The following CCDC3 variants were observed in gnomAD, a reference collection of about 807,000 sequenced individuals.
The protein encoded by CCDC3 is coiled-coil domain-containing protein 3.
In CCDC3, 24 loss-of-function variants were observed where a neutral mutation model predicts 21.4. The observed-to-expected ratio is 1.12, with a 90% confidence interval of 0.81 to 1.58. CCDC3 has a LOEUF of 1.58. Among genes scored for constraint, CCDC3 ranks in the 40% most tolerant of loss-of-function variants. The probability of loss-of-function intolerance (pLI) is 0.00; values close to 1 mark genes in which losing one functional copy is unlikely to be tolerated. For synonymous variants in CCDC3, 186 were observed against 166.0 expected (o/e 1.12, Z -0.93); for missense variants, 425 against 360.9 (o/e 1.18, Z -1.44).
intron 2 of CCDC3, among the ~76,000 whole-genome samples, chr10:12,931,409 C>A (rs1834641332): frequency 6.6e-6 from 1 of 152,142 alleles, no homozygotes; most frequent in African/African-American, 2.4e-5. Flanking sequence ...GCCTGGAAAG[C>A]TAAAAACTAC....
intron 2 of CCDC3, among the ~76,000 whole-genome samples, chr10:12,986,150 G>T (rs183664211): frequency 1.3e-5 from 2 of 152,236 alleles, no homozygotes; most frequent in African/African-American, 4.8e-5. Context: ...CTATCAGGTT[G>T]GTGCAAAAAG....
chr10:13,023,087 CT>C (rs5783299), intron 5 of CCDC3, among the ~76,000 whole-genome samples: 121,222 of 150,912 alleles, frequency 0.8, 49,499 homozygotes, highest in Non-Finnish European at 0.87. Flanking sequence ...TTTTTGCACA[CT>C]TTTTTTTTGC....
rs1554764902 is a variant in CCDC3 at position 13,054,173 on chromosome 10, A to AAG, written c.-269-4233_-269-4232insCT. ...CTGTATCAAAAAAAAAAAAAAAAAA[A>AAG]GAGGAAACTTGGCAAGGGGCACACC... is the stretch of plus-strand genomic sequence containing the variant. On this transcript the variant is annotated intron_variant, in intron 4 of 6. Transcript: ENST00000378839. 5.5e-4 allele frequency among the ~76,000 whole-genome samples: 82 copies of AAG among 148,070 alleles called. No homozygotes were observed. In the East Asian group the frequency reaches 0.012, roughly 22 times the overall value.
intron 4 of CCDC3, among the ~76,000 whole-genome samples, chr10:13,064,118 G>T (rs548030666): frequency 1.3e-5 from 2 of 152,250 alleles, no homozygotes; most frequent in African/African-American, 2.4e-5. Flanking sequence ...AGTAGACAGG[G>T]TTTCACCATG....
At chr10:12,952,344 C>A (rs2131249375) in intron 2 of CCDC3, among the ~76,000 whole-genome samples, 1 of 152,264 alleles carries the variant, frequency 6.6e-6, no homozygotes, top group East Asian at 1.9e-4. Context: ...GGACAATCCC[C>A]AAACTCAAAA....
chr10:12,965,989 C>T (rs1351588799), intron 2 of CCDC3, among the ~76,000 whole-genome samples: 1 of 152,132 alleles, frequency 6.6e-6, no homozygotes, highest in Admixed American at 6.5e-5. Context: ...TAAGTTTCTC[C>T]AGCACAGAGT....
chr10:12,956,541 T>G (rs924635188), intron 2 of CCDC3, among the ~76,000 whole-genome samples: 14 of 152,218 alleles, frequency 9.2e-5, no homozygotes, highest in African/African-American at 3.4e-4. Context: ...GGATGAAGCT[T>G]AATGAGTCTA....
At chr10:13,005,048 A>T (rs1835910330), upstream of CCDC3, among the ~76,000 whole-genome samples, 1 of 152,140 alleles carries the variant, frequency 6.6e-6, no homozygotes, top group Admixed American at 6.5e-5. Context: ...ACCATCAACC[A>T]AACCACTAGC....
In CCDC3 at chr10:12,898,221, AGC is replaced by A. The variant is rs992161001; in HGVS notation, c.*193_*194del. 1.9e-5 allele frequency: 12 copies of A among 647,704 alleles called. No homozygotes were observed. The African/African-American group carries it at 2.0e-4, about 11-fold the overall frequency. 40.1% of individuals were successfully genotyped at this position (647,704 alleles called of 1,614,324 possible). ...GTCTGGGGTCAGGCCAGGAAGGGGCAGCGCGTGGGGTCTGACATTGAGGCCAG... is the reference window on the plus strand; with the variant it reads ...GTCTGGGGTCAGGCCAGGAAGGGGCAGCGTGGGGTCTGACATTGAGGCCAG... On this transcript the variant is annotated 3_prime_UTR_variant, in exon 3 of 3. Coordinates refer to ENST00000378825, the MANE Select transcript of CCDC3 (RefSeq NM_031455.4).
At position 12,898,253 on chromosome 10, in the gene CCDC3, C is replaced by T; in HGVS notation, c.*163G>A. On this transcript the variant is annotated 3_prime_UTR_variant, in exon 3 of 3. Transcript: ENST00000378825. The stretch of plus-strand genomic sequence containing the variant: ...GGGGTCTGACATTGAGGCCAGCACC[C>T]AAGGGGAAAGCAAGCCTTGCATTTT... 1.2e-6 allele frequency: 1 copy of T among 858,648 alleles called. No individual in the cohort carries two copies. The highest frequency in any genetic ancestry group is 1.8e-6 in the Non-Finnish European group (1 of 571,266). The allele number at this position is 858,648 out of a possible 1,614,324, so 53.2% of individuals were successfully genotyped here. A position where few individuals can be genotyped will look rare whatever the true frequency, so the allele number is the denominator to read the frequency against.
chr10:12,935,485 C>A (rs1834721998), intron 2 of CCDC3, among the ~76,000 whole-genome samples: 1 of 152,164 alleles, frequency 6.6e-6, no homozygotes, highest in Non-Finnish European at 1.5e-5. Flanking sequence ...TATTTCATAT[C>A]GGTTACTGTT....
intron 2 of CCDC3, among the ~76,000 whole-genome samples, chr10:12,917,331 C>T (rs1046690520): frequency 1.3e-5 from 2 of 151,662 alleles, no homozygotes; most frequent in Non-Finnish European, 2.9e-5. Context: ...GTAGCTGGGA[C>T]TACAGGTACC....
intron 1 of CCDC3, among the ~76,000 whole-genome samples, chr10:13,000,092 G>C (rs1835823428): frequency 6.6e-6 from 1 of 152,196 alleles, no homozygotes; most frequent in Non-Finnish European, 1.5e-5. Context: ...TCAGAGAAAT[G>C]CGAGCTAAAA....
intron 2 of CCDC3, among the ~76,000 whole-genome samples, chr10:12,927,437 AT>A (rs1834561519): frequency 6.6e-6 from 1 of 152,158 alleles, no homozygotes; most frequent in Non-Finnish European, 1.5e-5. Context: ...TTTCTTTTTT[AT>A]ATTTAGTTTG....
At chr10:13,011,617 T>C (rs1256404468) in intron 5 of CCDC3, among the ~76,000 whole-genome samples, 1 of 152,172 alleles carries the variant, frequency 6.6e-6, no homozygotes, top group African/African-American at 2.4e-5. Context: ...TATAAAATGC[T>C]ATAATGCCCA....
chr10:13,001,506 C>T lies in CCDC3; in HGVS notation c.65G>A (p.Cys22Tyr). ...LAGPPAPARA[C>Y]QLPSEWRPLS... Reference sequence around the variant, plus strand: ...GGGCCTCCACTCGGAGGGCAGCTGGCAGGCGCGCGCGGGCGCTGGGGGACC... The same window carrying T: ...GGGCCTCCACTCGGAGGGCAGCTGGTAGGCGCGCGCGGGCGCTGGGGGACC... Residue 22 changes from cysteine to tyrosine, a missense_variant, in exon 1 of 3, where the codon TGC becomes TAC. Coordinates refer to ENST00000378825, the MANE Select transcript of CCDC3 (RefSeq NM_031455.4). 1.4e-5 allele frequency: 18 copies of T among 1,329,796 alleles called. No individual in the cohort carries two copies. Among genetic ancestry groups the T allele is most frequent in the Non-Finnish European group, 1.6e-5 (17 of 1,042,408 alleles). 82.4% of individuals were successfully genotyped at this position (1,329,796 alleles called of 1,614,324 possible).
At chr10:13,054,623 T>G (rs1397956911) in intron 4 of CCDC3, among the ~76,000 whole-genome samples, 1 of 152,148 alleles carries the variant, frequency 6.6e-6, no homozygotes, top group Non-Finnish European at 1.5e-5. Flanking sequence ...AGTTAAGCCC[T>G]GGAACCCGAG....
At chr10:13,057,070 T>C (rs1322636781) in intron 4 of CCDC3, among the ~76,000 whole-genome samples, 3 of 151,810 alleles carry the variant, frequency 2.0e-5, no homozygotes, top group Non-Finnish European at 2.9e-5. Flanking sequence ...GGCGGGAGGA[T>C]TGCTTGAGCC....
intron 4 of CCDC3, among the ~76,000 whole-genome samples, chr10:13,060,469 A>C (rs1836742828): frequency 6.6e-6 from 1 of 152,148 alleles, no homozygotes; most frequent in Non-Finnish European, 1.5e-5. Flanking sequence ...AGGAGTAACA[A>C]GAGTCCCCAA....
Sources: allele counts gnomAD v4.1 joint callset (sites outside exome capture counted in the v4.1 genomes callset), GRCh38; gene constraint gnomAD v4.1.1; transcripts MANE v1.5; gene names NCBI Gene and HGNC (gene_info 2026-07-23, HGNC 2026-07-21).